TMC5: variants seen among roughly 807,000 people sequenced by gnomAD.
TMC5 encodes transmembrane channel-like protein 5.
A neutral mutation model predicts 110.5 loss-of-function variants in TMC5; 86 were observed. The ratio of observed to expected loss-of-function variants is 0.78; its 90% CI spans 0.65 to 0.93. The LOEUF is 0.93. Ranked by LOEUF, TMC5 falls within the 40% of genes least tolerant of loss-of-function variation. The pLI, the probability that TMC5 is intolerant of heterozygous loss-of-function variation, is 0.00. For synonymous variants in TMC5, 455 were observed against 439.5 expected, an observed-to-expected ratio of 1.04 and a Z score of -0.44; for missense variants, 1,144 against 1,222.8, an observed-to-expected ratio of 0.94 and a Z score of 0.96.
chr16:19,430,683 C>A (rs1431860411), intron 2 of TMC5, 43 bp downstream of exon 2: 2 of 152,028 alleles, frequency 1.3e-5, no homozygotes, highest in African/African-American at 4.8e-5. Context: ...AAATAAACTA[C>A]CCTTCTTTTT....
At chr16:19,428,780 A>T (rs1333735458) in intron 1 of TMC5, among the ~76,000 whole-genome samples, 1 of 152,112 alleles carries the variant, frequency 6.6e-6, no homozygotes, top group African/African-American at 2.4e-5. Flanking sequence ...CAAAAAGGAC[A>T]AGAGGATGAC....
intron 9 of TMC5, among the ~76,000 whole-genome samples, chr16:19,468,881 A>G (rs954157770): frequency 6.6e-6 from 1 of 152,166 alleles, no homozygotes. Context: ...AGTTCCAGCT[A>G]CTTTGGAGGC....
rs371558445 is a variant in TMC5, at chr16:19,469,665, T to C, written c.1638-16T>C. On this transcript the variant is annotated splice_polypyrimidine_tract_variant and intron_variant, in intron 9 of 21. Coordinates refer to ENST00000542583, the MANE Select transcript of TMC5 (RefSeq NM_001261841.2). ...CCATAATAACCTTCAGGTGTTCTGCTTTCTGCCTTCTCTAGCATGGCCAAG... is the reference window on the plus strand; with the variant it reads ...CCATAATAACCTTCAGGTGTTCTGCCTTCTGCCTTCTCTAGCATGGCCAAG... 264 of 1,613,668 alleles carry C rather than the reference T, an allele frequency of 1.6e-4. 6 individuals are homozygous for C. The South Asian group carries it at 2.3e-3, about 14-fold the overall frequency.
At chr16:19,455,847 A>G (rs916367154) in intron 5 of TMC5, among the ~76,000 whole-genome samples, 5 of 152,202 alleles carry the variant, frequency 3.3e-5, no homozygotes, top group Non-Finnish European at 7.3e-5. Context: ...CTAAGGCATC[A>G]GGAGATAATA....
chr16:19,415,501 A>G (rs576003349), upstream of TMC5, among the ~76,000 whole-genome samples: 2 of 152,338 alleles, frequency 1.3e-5, no homozygotes, highest in South Asian at 4.1e-4. Flanking sequence ...TACAATGCAC[A>G]GAGCAGTCCC....
Position 19,440,501 on chromosome 16 carries a change from C to T in TMC5, c.463C>T (p.His155Tyr), listed in dbSNP as rs148290322. The T allele has an allele frequency of 6.2e-7, 1 of 1,614,178 alleles. No homozygotes were observed. The highest frequency in any genetic ancestry group is 8.5e-7 in the Non-Finnish European group (1 of 1,180,030). The part of the protein sequence containing the change: ...NYAGSRTHPD[H>Y]FGSLEPDYPG... The stretch of plus-strand genomic sequence containing the variant: ...TGCAGGCTCCAGAACACATCCAGAT[C>T]ATTTTGGCTCCTTAGAACCGGACTA... Residue 155 changes from histidine to tyrosine, a missense_variant, in exon 3 of 22, where the codon CAT becomes TAT. Coordinates refer to ENST00000542583, the MANE Select transcript of TMC5 (RefSeq NM_001261841.2).
chr16:19,444,048 G>T, intron 3 of TMC5, 33 bp from the exon 4 acceptor site: 1 of 1,597,644 alleles, frequency 6.3e-7, no homozygotes. Flanking sequence ...CTATACTCTT[G>T]GTTGGATAGT....
chr16:19,435,491 A>G (rs1407232830), intron 2 of TMC5, among the ~76,000 whole-genome samples: 1 of 151,342 alleles, frequency 6.6e-6, no homozygotes, highest in African/African-American at 2.4e-5. Context: ...GCAGAGTGAG[A>G]CTCTGCCTCA....
Position 19,449,631 on chromosome 16 carries a change from G to A in TMC5, c.1048G>A (p.Gly350Arg), listed in dbSNP as rs1400925983. The A allele has an allele frequency of 3.7e-6, 6 of 1,613,878 alleles. No individual in the cohort carries two copies. The highest frequency in any genetic ancestry group is 1.3e-5 in the African/African-American group (1 of 74,918). Residue 350 changes from glycine to arginine, a missense_variant and splice_region_variant, in exon 5 of 22, where the codon GGA (glycine) becomes AGA (arginine). Transcript: ENST00000542583. Reference protein sequence around the residue: ...SECDWHKSPQGQKLIASLIPM... With the variant: ...SECDWHKSPQRQKLIASLIPM... ...ATGTGATTGGCACAAGTCACCCCAA[G>A]GTAAGTGATATGGTTTGGCTCTGTG...
chr16:19,489,800 T>C (rs912496903), intron 17 of TMC5, among the ~76,000 whole-genome samples: 2 of 151,906 alleles, frequency 1.3e-5, no homozygotes, highest in Non-Finnish European at 2.9e-5. Context: ...CATTTCTTTT[T>C]TTTTTTCAGA....
chr16:19,490,729 T>G (rs1452866748), intron 18 of TMC5, among the ~76,000 whole-genome samples, 161 bp downstream of exon 18: 1 of 58,822 alleles, frequency 1.7e-5, no homozygotes, highest in Non-Finnish European at 6.2e-5. Flanking sequence ...CTTCCTTCCT[T>G]CCTTCCTTCC....
intron 2 of TMC5, among the ~76,000 whole-genome samples, chr16:19,434,403 T>C (rs1967290051): frequency 7.5e-6 from 1 of 133,372 alleles, no homozygotes; most frequent in Non-Finnish European, 1.5e-5. Flanking sequence ...ATAATATATA[T>C]ATCATATATA....
At chr16:19,472,323 A>G in intron 11 of TMC5, 80 bp downstream of exon 11, 2 of 1,521,786 alleles carry the variant, frequency 1.3e-6, no homozygotes, top group Non-Finnish European at 1.8e-6. Flanking sequence ...TGTGCAGCCT[A>G]CGGTTCAACC....
intron 1 of TMC5, among the ~76,000 whole-genome samples, chr16:19,419,744 T>C (rs530668979): frequency 1.3e-5 from 2 of 152,106 alleles, no homozygotes; most frequent in Non-Finnish European, 2.9e-5. Context: ...ATTGTCATAC[T>C]TTGCCAGAAA....
rs145482905 is a variant in TMC5, at chr16:19,457,944, G to A, written c.1049-2291G>A. Among the ~76,000 whole-genome samples, 21 of 151,624 alleles carry A rather than the reference G, an allele frequency of 1.4e-4. No individual in the cohort carries two copies. The East Asian group carries it at 2.2e-3, about 16-fold the overall frequency. ...TTACCATGTTGGCCAACCTTGTCTC[G>A]AACTCCTGGCCTCAGGTGATCTGCC... On this transcript the variant is annotated intron_variant, in intron 5 of 21. Transcript: ENST00000542583.
At chr16:19,457,132 A>C in intron 5 of TMC5, 1 of 846,296 alleles carries the variant, frequency 1.2e-6, no homozygotes, top group Non-Finnish European at 1.8e-6. Context: ...GCTCACACCT[A>C]TAATCCTACG....
chr16:19,494,417 T>C (rs777910327), intron 20 of TMC5, 51 bp downstream of exon 20: 13 of 1,330,772 alleles, frequency 9.8e-6, no homozygotes, highest in African/African-American at 2.9e-5. Context: ...CTTGCCTCCA[T>C]GTAAAAAGCG....
At chr16:19,453,744 G>T (rs376450783) in intron 5 of TMC5, among the ~76,000 whole-genome samples, 1 of 152,170 alleles carries the variant, frequency 6.6e-6, no homozygotes, top group South Asian at 2.1e-4. Flanking sequence ...CTCCAGCCTA[G>T]GGGACAGAGT....
At chr16:19,446,174 AC>A (rs1383276880) in intron 4 of TMC5, among the ~76,000 whole-genome samples, 1 of 152,170 alleles carries the variant, frequency 6.6e-6, no homozygotes, top group African/African-American at 2.4e-5. Context: ...CTTTGGGAGC[AC>A]AGACATCAGA....
Sources: allele counts gnomAD v4.1 joint callset (sites outside exome capture counted in the v4.1 genomes callset), GRCh38; gene constraint gnomAD v4.1.1; transcripts MANE v1.5; gene names NCBI Gene and HGNC (gene_info 2026-07-23, HGNC 2026-07-21).